The following NAV2 variants were observed in gnomAD, a reference collection of about 807,000 sequenced individuals.
The protein encoded by NAV2 is neuron navigator 2, also known as helicase, APC down-regulated 1.
A neutral mutation model predicts 223.2 loss-of-function variants in NAV2; 54 were observed. The ratio of observed to expected loss-of-function variants is 0.24; its 90% CI spans 0.19 to 0.30. The LOEUF is 0.30. Ranked by LOEUF, NAV2 falls within the 10% of genes least tolerant of loss-of-function variation. The pLI is 1.00. For synonymous variants in NAV2, 1,279 were observed against 1,239.3 expected, an observed-to-expected ratio of 1.03 and a Z score of -0.67; for missense variants, 2,806 against 3,147.5, an observed-to-expected ratio of 0.89 and a Z score of 2.60.
In NAV2 at chr11:20,053,241, AAAG is replaced by A. The variant is rs1411132369; in HGVS notation, c.4482-838_4482-836del. Reference sequence around the variant, plus strand: ...TCGAAAAAAAAAAAAAAAAAAAAAAAAAGGAAAGAAATTTCACACGCTACTTAT... The same window carrying A: ...TCGAAAAAAAAAAAAAAAAAAAAAAAGAAAGAAATTTCACACGCTACTTAT... On this transcript the variant is annotated intron_variant, in intron 17 of 37. Coordinates refer to ENST00000349880, the MANE Select transcript of NAV2 (RefSeq NM_145117.5). Among the ~76,000 whole-genome samples the A allele has an allele frequency of 6.7e-3, 1,012 of 150,394 alleles. 4 individuals carry two copies. Among genetic ancestry groups the A allele is most frequent in the Middle Eastern group, 0.014 (4 of 280 alleles).
upstream of NAV2, among the ~76,000 whole-genome samples, chr11:19,712,834 C>G (rs2049966531): frequency 6.6e-6 from 1 of 151,394 alleles, no homozygotes. Flanking sequence ...CCGGCAGCAG[C>G]CTGTCCTCCC....
chr11:19,998,702 CT>C lies in NAV2; in HGVS notation c.2768+14457del, dbSNP rs1407460312. ...TACTGTCCCCTCTGCATAGACTGTG[CT>C]TCCCCCCCTCTCTCCTTTTCTCCTT... On this transcript the variant is annotated intron_variant, in intron 11 of 37. Transcript: ENST00000349880. The surrounding 1 kb of genome is among the most constrained non-coding windows in gnomAD (Gnocchi z 5.0). Among the ~76,000 whole-genome samples, 1 of 135,988 alleles carries C rather than the reference CT, an allele frequency of 7.4e-6. No homozygotes were observed. The highest frequency in any genetic ancestry group is 1.7e-5 in the Non-Finnish European group (1 of 59,882). The allele number at this position is 135,988 out of a possible 152,430, so 89.2% of individuals were successfully genotyped here. A position where few individuals can be genotyped will look rare whatever the true frequency, so the allele number is the denominator to read the frequency against.
At chr11:20,022,775 C>A in intron 11 of NAV2, 1 of 1,141,180 alleles carries the variant, frequency 8.8e-7, no homozygotes, top group Non-Finnish European at 1.1e-6. Context: ...CATGGAGGGC[C>A]CTTCCATTCA....
chr11:19,690,547 A>G (rs761615018), intron 1 of NAV2, among the ~76,000 whole-genome samples: 2 of 152,216 alleles, frequency 1.3e-5, no homozygotes, highest in Admixed American at 6.5e-5. Flanking sequence ...TCAACACGTA[A>G]TAAGTGCTCA....
intron 1 of NAV2, among the ~76,000 whole-genome samples, chr11:19,786,585 G>A (rs762831204): frequency 7.2e-5 from 11 of 152,300 alleles, no homozygotes; most frequent in Non-Finnish European, 1.2e-4. Flanking sequence ...CCCCATAAGA[G>A]TACTGATTTT....
chr11:19,967,320 C>T (rs2048852896), intron 10 of NAV2, among the ~76,000 whole-genome samples: 1 of 152,006 alleles, frequency 6.6e-6, no homozygotes, highest in Admixed American at 6.6e-5. Context: ...TGGGAAGCAA[C>T]AGAGTTTCTG....
chr11:19,727,568 C>T (rs1184304015), intron 1 of NAV2, among the ~76,000 whole-genome samples: 1 of 152,264 alleles, frequency 6.6e-6, no homozygotes, highest in Non-Finnish European at 1.5e-5. Context: ...CAAATCTAAT[C>T]TGCCTGTGGA....
chr11:19,827,739 G>T (rs796124791), intron 1 of NAV2, among the ~76,000 whole-genome samples: 1 of 149,248 alleles, frequency 6.7e-6, no homozygotes, highest in African/African-American at 2.5e-5. Context: ...ATTGTTTTAA[G>T]AAGTTTAAAA....
intron 19 of NAV2, among the ~76,000 whole-genome samples, chr11:20,058,489 C>CA (rs2058500851): frequency 6.6e-6 from 1 of 152,066 alleles, no homozygotes. Context: ...ATGCTTGAAG[C>CA]ATTATTAAAA....
Position 19,529,442 on chromosome 11 carries a change from C to T in NAV2, c.75+178415C>T, listed in dbSNP as rs551868903. Among the ~76,000 whole-genome samples the T allele has an allele frequency of 1.9e-4, 26 of 136,702 alleles. No individual in the cohort carries two copies. In the South Asian group the frequency reaches 5.2e-3, roughly 27 times the overall value. The allele number at this position is 136,702 out of a possible 152,430, so 89.7% of individuals were successfully genotyped here. A position where few individuals can be genotyped will look rare whatever the true frequency, so the allele number is the denominator to read the frequency against. On this transcript the variant is annotated intron_variant, in intron 1 of 37. Coordinates refer to the NAV2 transcript ENST00000360655. ...GGAAGTGACACCTCCTCTGGGAGGC[C>T]CCCCAATACCATCCCAATTACAGTG...
At chr11:19,373,369 C>A (rs181331291) in intron 1 of NAV2, among the ~76,000 whole-genome samples, 1 of 151,988 alleles carries the variant, frequency 6.6e-6, no homozygotes, top group Non-Finnish European at 1.5e-5. Flanking sequence ...CTGCCTCTCC[C>A]CTCTCTTCTC....
chr11:19,884,780 GTGTTGTTGTTGT>G (rs66462782), intron 5 of NAV2, among the ~76,000 whole-genome samples: 8 of 150,892 alleles, frequency 5.3e-5, no homozygotes, highest in African/African-American at 1.7e-4. Context: ...CTTGTGCTTT[GTGTTGTTGTTGT>G]TGTTGTTGTT....
chr11:19,726,988 G>A (rs540584325), intron 1 of NAV2, among the ~76,000 whole-genome samples: 1 of 152,316 alleles, frequency 6.6e-6, no homozygotes, highest in Admixed American at 6.5e-5. Flanking sequence ...TGGGAGGGAT[G>A]GATGGAGTCA....
At chr11:19,525,531 G>T (rs1352431940) in intron 1 of NAV2, among the ~76,000 whole-genome samples, 4 of 152,208 alleles carry the variant, frequency 2.6e-5, no homozygotes, top group Non-Finnish European at 5.9e-5. Flanking sequence ...TGACAAGTCT[G>T]TGTGCCCAGG....
At chr11:19,692,970 A>G (rs1286234664) in intron 1 of NAV2, among the ~76,000 whole-genome samples, 1 of 152,268 alleles carries the variant, frequency 6.6e-6, no homozygotes. Context: ...CTCCCCGATC[A>G]GGACAGGTTT....
At chr11:19,895,722 T>G (rs2041922363) in intron 6 of NAV2, among the ~76,000 whole-genome samples, 1 of 152,004 alleles carries the variant, frequency 6.6e-6, no homozygotes, top group Non-Finnish European at 1.5e-5. Context: ...TGTCCCAGGT[T>G]TTTTTTTATA....
chr11:19,345,359 G>T, the NAV2 span, among the ~76,000 whole-genome samples: 1 of 152,240 alleles, frequency 6.6e-6, no homozygotes, highest in Non-Finnish European at 1.5e-5. This position sits in a 1 kb window ranked among gnomAD's most constrained non-coding sequence, Gnocchi z 5.2. Context: ...TGGCTGGACT[G>T]CCCGGCGGCG....
intron 6 of NAV2, among the ~76,000 whole-genome samples, chr11:19,915,363 C>T (rs780903978): frequency 1.3e-5 from 2 of 152,108 alleles, no homozygotes; most frequent in Non-Finnish European, 2.9e-5. Context: ...TTTGGAACAC[C>T]GAATCACCAT....
At chr11:19,750,572 C>A (rs2053723899) in intron 1 of NAV2, among the ~76,000 whole-genome samples, 1 of 152,138 alleles carries the variant, frequency 6.6e-6, no homozygotes. Context: ...GAGCCCTCAC[C>A]CACTCTGTTA....
Sources: allele counts gnomAD v4.1 joint callset (sites outside exome capture counted in the v4.1 genomes callset), GRCh38; gene constraint gnomAD v4.1.1; non-coding constraint Gnocchi (gnomAD v3.1); transcripts MANE v1.5; gene names NCBI Gene and HGNC (gene_info 2026-07-23, HGNC 2026-07-21).